The following CACNB2 variants were observed in gnomAD, a reference collection of about 807,000 sequenced individuals.
CACNB2 encodes calcium voltage-gated channel auxiliary subunit beta 2, also known as voltage-dependent L-type calcium channel subunit beta-2.
A neutral mutation model predicts 73.3 loss-of-function variants in CACNB2; 42 were observed. The observed-to-expected ratio is 0.57, with a 90% CI of 0.45 to 0.74. CACNB2 has a LOEUF of 0.74. Ranked by LOEUF, CACNB2 falls within the 30% of genes least tolerant of loss-of-function variation. The pLI is 0.00. For synonymous variants in CACNB2, 348 were observed against 310.3 expected (o/e 1.12, Z -1.28); for missense variants, 940 against 853.0 (o/e 1.10, Z -1.27).
chr10:18,262,695 A>T (rs2037609570), intron 2 of CACNB2, among the ~76,000 whole-genome samples: 1 of 152,220 alleles, frequency 6.6e-6, no homozygotes. Context: ...TAGTTTCTAG[A>T]ATAGTGAAGA....
intron 3 of CACNB2, among the ~76,000 whole-genome samples, chr10:18,456,682 T>G (rs1292472802): frequency 2.0e-5 from 3 of 152,108 alleles, no homozygotes; most frequent in Non-Finnish European, 2.9e-5. Context: ...CAACCACTAT[T>G]CTACTTTCTG....
At chr10:18,198,713 A>C (rs533005755) in intron 2 of CACNB2, among the ~76,000 whole-genome samples, 47 of 152,158 alleles carry the variant, frequency 3.1e-4, no homozygotes, top group Non-Finnish European at 6.0e-4. Context: ...CTGATAATGT[A>C]TGCCCACACT....
intron 2 of CACNB2, among the ~76,000 whole-genome samples, chr10:18,258,483 T>C (rs1398815753): frequency 6.6e-6 from 1 of 152,098 alleles, no homozygotes; most frequent in Non-Finnish European, 1.5e-5. Context: ...ATCCCAGCAC[T>C]TTGGGAGGCC....
At chr10:18,399,321 G>C (rs2043871727) in intron 2 of CACNB2, among the ~76,000 whole-genome samples, 1 of 152,126 alleles carries the variant, frequency 6.6e-6, no homozygotes, top group Non-Finnish European at 1.5e-5. Context: ...TTGTAAATTT[G>C]CTTGAACGAA....
chr10:18,236,406 A>C (rs927844987), intron 2 of CACNB2, among the ~76,000 whole-genome samples: 1 of 152,252 alleles, frequency 6.6e-6, no homozygotes, highest in Non-Finnish European at 1.5e-5. Flanking sequence ...ATCCATAAAA[A>C]ACAGGTGAGG....
chr10:18,301,282 A>G (rs2039500292), intron 2 of CACNB2, among the ~76,000 whole-genome samples: 1 of 152,158 alleles, frequency 6.6e-6, no homozygotes, highest in East Asian at 1.9e-4. Context: ...GAAAGCCCCA[A>G]CAGGTGAATG....
chr10:18,223,277 A>G (rs2035864097), intron 2 of CACNB2, among the ~76,000 whole-genome samples: 1 of 152,230 alleles, frequency 6.6e-6, no homozygotes, highest in Non-Finnish European at 1.5e-5. Flanking sequence ...AATACTGAAT[A>G]TTAATAATTG....
chr10:18,469,765 G>C (rs576173695), intron 3 of CACNB2, among the ~76,000 whole-genome samples: 1 of 152,088 alleles, frequency 6.6e-6, no homozygotes, highest in South Asian at 2.1e-4. Flanking sequence ...CTATAAAATC[G>C]TAACCACATC....
intron 2 of CACNB2, among the ~76,000 whole-genome samples, chr10:18,371,890 T>C (rs1329263961): frequency 1.3e-5 from 2 of 152,170 alleles, no homozygotes; most frequent in Non-Finnish European, 2.9e-5. Flanking sequence ...TTAATGATCC[T>C]CATTCTAACT....
At chr10:18,448,888 C>T (rs1204845795) in intron 3 of CACNB2, among the ~76,000 whole-genome samples, 1 of 152,164 alleles carries the variant, frequency 6.6e-6, no homozygotes, top group Non-Finnish European at 1.5e-5. Context: ...GAATTATGTC[C>T]TAGAGTCTAG....
chr10:18,153,254 A>G (rs985955557), intron 2 of CACNB2, among the ~76,000 whole-genome samples: 1 of 152,196 alleles, frequency 6.6e-6, no homozygotes, highest in African/African-American at 2.4e-5. Flanking sequence ...TATCAATAGG[A>G]CGAGGTGTTT....
At chr10:18,355,984 A>G (rs2799571) in intron 2 of CACNB2, among the ~76,000 whole-genome samples, 130,277 of 151,946 alleles carry the variant, frequency 0.86, 56,492 homozygotes, top group Non-Finnish European at 0.92. Flanking sequence ...TAACATGCAC[A>G]TAAAATATGC....
At chr10:18,406,531 G>A (rs771260666) in intron 3 of CACNB2, among the ~76,000 whole-genome samples, 6 of 152,148 alleles carry the variant, frequency 3.9e-5, no homozygotes, top group South Asian at 2.1e-4. Flanking sequence ...GCATGTGAGC[G>A]ATCGAGGTTG....
At chr10:18,144,311 C>A (rs1588533481) in intron 1 of CACNB2, among the ~76,000 whole-genome samples, 1 of 152,172 alleles carries the variant, frequency 6.6e-6, no homozygotes, top group African/African-American at 2.4e-5. Context: ...AACTCCTGAC[C>A]TCAGGTGATC....
At chr10:18,533,750 A>G (rs929513253) in intron 10 of CACNB2, among the ~76,000 whole-genome samples, 4 of 152,212 alleles carry the variant, frequency 2.6e-5, no homozygotes, top group African/African-American at 9.6e-5. Context: ...CAAGGTTCTT[A>G]TTTTACAGCA....
At chr10:18,487,268 C>A (rs4748472) in intron 3 of CACNB2, among the ~76,000 whole-genome samples, 1 of 152,038 alleles carries the variant, frequency 6.6e-6, no homozygotes, top group Admixed American at 6.6e-5. Flanking sequence ...AGGTAGCCTT[C>A]ATCTATTGGC....
At chr10:18,461,380 T>G (rs1470989607) in intron 3 of CACNB2, among the ~76,000 whole-genome samples, 1 of 152,182 alleles carries the variant, frequency 6.6e-6, no homozygotes, top group African/African-American at 2.4e-5. Flanking sequence ...CTTTCAAGGC[T>G]TTAACTTTCT....
chr10:18,196,229 G>A (rs1451364187), intron 2 of CACNB2, among the ~76,000 whole-genome samples: 1 of 150,710 alleles, frequency 6.6e-6, no homozygotes, highest in Non-Finnish European at 1.5e-5. Context: ...TGGCTTCAAA[G>A]TTGACTTTAA....
chr10:18,303,771 G>T (rs1021544883), intron 2 of CACNB2, among the ~76,000 whole-genome samples: 6 of 152,200 alleles, frequency 3.9e-5, no homozygotes, highest in African/African-American at 1.4e-4. Context: ...TGTGGCACTA[G>T]TTACTTATCT....
Sources: allele counts gnomAD v4.1 joint callset (sites outside exome capture counted in the v4.1 genomes callset), GRCh38; gene constraint gnomAD v4.1.1; transcripts MANE v1.5; gene names NCBI Gene and HGNC (gene_info 2026-07-23, HGNC 2026-07-21).